Variants in CD300A observed in about 807,000 individuals in gnomAD.
The protein encoded by CD300A is CD300a molecule, also known as CMRF35-like molecule 8.
A neutral mutation model predicts 33.6 loss-of-function variants in CD300A; 22 were observed. The ratio of observed to expected loss-of-function variants is 0.66; its 90% CI spans 0.47 to 0.94. The LOEUF (loss-of-function observed/expected upper bound fraction) is 0.94, where lower values mean the gene tolerates loss of function less well. Among genes scored for constraint, CD300A ranks in the 40% least tolerant of loss-of-function variants. CD300A has a pLI of 0.00. For missense variants in CD300A, 326 were observed against 360.5 expected (o/e 0.90, Z 0.77); for synonymous variants, 136 against 148.1 (o/e 0.92, Z 0.59).
chr17:74,474,124 A>T (rs1243412834), intron 2 of CD300A, among the ~76,000 whole-genome samples: 1 of 151,320 alleles, frequency 6.6e-6, no homozygotes, highest in East Asian at 2.0e-4. Context: ...CCAGGAGCGC[A>T]CCTGTGGCTC....
intron 6 of CD300A, 93 bp from the exon 7 acceptor site, chr17:74,483,908 C>G: frequency 6.9e-7 from 1 of 1,448,192 alleles, no homozygotes; most frequent in East Asian, 2.3e-5. Flanking sequence ...CTCCCCAAAG[C>G]CCCTCAGGTG....
At chr17:74,473,992 G>A (rs1906291627) in intron 2 of CD300A, 118 bp downstream of exon 2, 7 of 1,173,430 alleles carry the variant, frequency 6.0e-6, no homozygotes, top group Non-Finnish European at 8.4e-6. Flanking sequence ...GAGAGAGAGA[G>A]GTGGGGGCCA....
At position 74,477,433 on chromosome 17, in the gene CD300A, C is replaced by G; in HGVS notation, c.534-3C>G. The G allele has an allele frequency of 1.2e-6, 2 of 1,612,796 alleles. No homozygotes were observed. Among genetic ancestry groups the G allele is most frequent in the Non-Finnish European group, 1.7e-6 (2 of 1,179,126 alleles). ...CGCCCTTACCATCCTGTGCCTCCTC[C>G]AGGCTCCCGCTGCTCCTCTCCCTGC... On this transcript the variant is annotated splice_region_variant and splice_polypyrimidine_tract_variant and intron_variant, in intron 3 of 6. Coordinates refer to ENST00000360141, the MANE Select transcript of CD300A (RefSeq NM_007261.4).
At position 74,471,795 on chromosome 17, in the gene CD300A, T is replaced by C. The variant is rs542153948; in HGVS notation, c.41-1741T>C. 2.0e-5 allele frequency among the ~76,000 whole-genome samples: 3 copies of C among 152,176 alleles called. No homozygotes were observed. The East Asian group carries it at 5.8e-4, about 29-fold the overall frequency. The stretch of plus-strand genomic sequence containing the variant: ...TCTTTGGGCAGCCGTGGGCTGGGTG[T>C]GGAGCTAGTGGGGTCCAGGAGAAGC... On this transcript the variant is annotated intron_variant, in intron 1 of 6. Transcript: ENST00000360141.
At chr17:74,482,697 C>CTTTCTTTCTTTCTTTCTTTCTTTCTTT (rs1906953973) in intron 6 of CD300A, among the ~76,000 whole-genome samples, 1 of 130,236 alleles carries the variant, frequency 7.7e-6, no homozygotes, top group Non-Finnish European at 1.5e-5. Flanking sequence ...TTCCTTCCTT[C>CTTTCTTTCTTTCTTTCTTTCTTTCTTT]CTTTCTTTCT....
At chr17:74,466,621 G>A, upstream of CD300A, 3 of 1,450,404 alleles carry the variant, frequency 2.1e-6, no homozygotes, top group Non-Finnish European at 2.8e-6. Flanking sequence ...GCAGAAGTCG[G>A]GGCCTTGGAG....
chr17:74,470,198 G>A, intron 1 of CD300A: 1 of 985,464 alleles, frequency 1.0e-6, no homozygotes, highest in Non-Finnish European at 1.2e-6. Flanking sequence ...AGAAAGCGCA[G>A]AAACACAAGC....
intron 1 of CD300A, among the ~76,000 whole-genome samples, chr17:74,472,097 C>T (rs980711448): frequency 1.1e-4 from 17 of 151,768 alleles, no homozygotes; most frequent in African/African-American, 4.1e-4. Context: ...AAAAATTATC[C>T]GGGTGTGGTG....
At position 74,484,195 on chromosome 17, in the gene CD300A, C is replaced by G; in HGVS notation, c.*69C>G. 1 of 1,556,646 alleles carries G rather than the reference C, an allele frequency of 6.4e-7. No homozygotes were observed. Among genetic ancestry groups the G allele is most frequent in the Middle Eastern group, 2.3e-4 (1 of 4,428 alleles). On this transcript the variant is annotated 3_prime_UTR_variant, in exon 7 of 7. Transcript: ENST00000360141. Reference sequence around the variant, plus strand: ...AAGTCCAGGGACAGCTCCCTTATACCTGGCCCACGTCCTTCTCAGCCTGCC... The same window carrying G: ...AAGTCCAGGGACAGCTCCCTTATACGTGGCCCACGTCCTTCTCAGCCTGCC...
intron 1 of CD300A, among the ~76,000 whole-genome samples, chr17:74,468,009 T>TTTTATTTATTTATTTATTTATTTA (rs138029210): frequency 1.4e-5 from 2 of 146,346 alleles, no homozygotes; most frequent in African/African-American, 5.1e-5. Context: ...GCATTTTTAC[T>TTTTATTTATTTATTTATTTATTTA]TTTATTTATT....
At chr17:74,470,358 C>A in intron 1 of CD300A, 2 of 476,844 alleles carry the variant, frequency 4.2e-6, no homozygotes, top group South Asian at 9.1e-5. Context: ...GTTTTTTATC[C>A]AAGATTTCAG....
In CD300A at chr17:74,473,844, G is replaced by T; in HGVS notation, c.349G>T (p.Val117Phe). The change falls in exon 2 of 7, where the codon GTT becomes TTT. Residue 117 changes from valine (V) to phenylalanine (F), a missense_variant. Transcript: ENST00000360141. ...TPWLRDFHDP[V>F]VEVEVSVFPA... ...ATGGCTCCGAGACTTTCATGATCCC[G>T]TTGTCGAGGTTGAGGTGTCCGTGTT... 2 of 1,612,750 alleles carry T rather than the reference G, an allele frequency of 1.2e-6. No individual in the cohort carries two copies. The highest frequency in any genetic ancestry group is 1.7e-6 in the Non-Finnish European group (2 of 1,178,790).
chr17:74,477,408 C>T (rs531023874), intron 3 of CD300A, 28 bp from the exon 4 acceptor site: 45 of 1,549,854 alleles, frequency 2.9e-5, no homozygotes, highest in South Asian at 1.7e-4. Context: ...AAGTTGGCCC[C>T]GCCCTTACCA....
chr17:74,481,638 A>G, intron 5 of CD300A, 88 bp from the exon 6 acceptor site: 1 of 930,344 alleles, frequency 1.1e-6, no homozygotes, highest in East Asian at 2.6e-5. Context: ...TGCTCAGAGC[A>G]TAGAGGAAGG....
At chr17:74,469,903 G>C (rs1182983320) in intron 1 of CD300A, 1 of 949,560 alleles carries the variant, frequency 1.1e-6, no homozygotes, top group Non-Finnish European at 1.3e-6. Flanking sequence ...TAACTCCACT[G>C]TTTTTCTGTT....
chr17:74,480,445 T>C lies in CD300A; in HGVS notation c.629-844T>C, dbSNP rs1598107627. 6.6e-6 allele frequency among the ~76,000 whole-genome samples: 1 copy of C among 152,152 alleles called. No homozygotes were observed. Among genetic ancestry groups the C allele is most frequent in the African/African-American group, 2.4e-5 (1 of 41,442 alleles). ...GCTGTGCTCATAGGCAGCACCCTTA[T>C]AGAGCAGGTGCCAGCAGCCAAGGGC... On this transcript the variant is annotated intron_variant, in intron 4 of 6. Coordinates refer to ENST00000360141, the MANE Select transcript of CD300A (RefSeq NM_007261.4). This position sits in a 1 kb window ranked among gnomAD's most constrained non-coding sequence, Gnocchi z 4.2.
intron 3 of CD300A, 64 bp downstream of exon 3, chr17:74,474,749 G>C: frequency 6.4e-7 from 1 of 1,557,058 alleles, no homozygotes; most frequent in Non-Finnish European, 8.7e-7. Context: ...CCCAGGGCGG[G>C]GACCTTGGCC....
intron 6 of CD300A, 126 bp from the exon 7 acceptor site, chr17:74,483,875 C>T: frequency 9.8e-7 from 1 of 1,025,204 alleles, no homozygotes; most frequent in Non-Finnish European, 1.4e-6. Flanking sequence ...GAGGCCAGGA[C>T]AGTGGAGCCT....
intron 1 of CD300A, among the ~76,000 whole-genome samples, chr17:74,467,250 G>A (rs1905782340): frequency 2.0e-5 from 3 of 150,726 alleles, no homozygotes; most frequent in African/African-American, 7.3e-5. Flanking sequence ...ATAGGGTCGG[G>A]GTGGGGAGCA....
Sources: allele counts gnomAD v4.1 joint callset (sites outside exome capture counted in the v4.1 genomes callset), GRCh38; gene constraint gnomAD v4.1.1; non-coding constraint Gnocchi (gnomAD v3.1); transcripts MANE v1.5; gene names NCBI Gene and HGNC (gene_info 2026-07-23, HGNC 2026-07-21).